EYA1: variants seen among roughly 807,000 people sequenced by gnomAD.
The protein encoded by EYA1 is EYA transcriptional coactivator and phosphatase 1, also known as protein phosphatase EYA1.
EYA1 carries 16 observed loss-of-function variants against 82.0 expected under a neutral mutation model. The observed-to-expected ratio is 0.20, with a 90% CI of 0.13 to 0.30. The LOEUF (loss-of-function observed/expected upper bound fraction) is 0.30. Among genes scored for constraint, EYA1 ranks in the 10% least tolerant of loss-of-function variants. The probability of loss-of-function intolerance (pLI) is 1.00; values close to 1 mark genes in which losing one functional copy is unlikely to be tolerated. For missense variants in EYA1, 633 were observed against 730.7 expected (o/e 0.87, Z 1.54); for synonymous variants, 261 against 264.4 (o/e 0.99, Z 0.12).
chr8:71,252,779 C>A (rs1203590549), intron 11 of EYA1, among the ~76,000 whole-genome samples: 21 of 152,164 alleles, frequency 1.4e-4, no homozygotes, highest in Non-Finnish European at 1.5e-5. Flanking sequence ...TAGAACTATT[C>A]TTCAAAAAAA....
At chr8:71,330,263 A>G (rs1823675591) in intron 4 of EYA1, among the ~76,000 whole-genome samples, 1 of 152,150 alleles carries the variant, frequency 6.6e-6, no homozygotes, top group Non-Finnish European at 1.5e-5. Flanking sequence ...ATTCATCTGC[A>G]CCACTTCATA....
At chr8:71,408,343 T>C (rs945474041) in intron 2 of EYA1, among the ~76,000 whole-genome samples, 8 of 151,020 alleles carry the variant, frequency 5.3e-5, no homozygotes, top group African/African-American at 7.3e-5. Context: ...GCTAACATCA[T>C]AATGACAGGA....
intron 3 of EYA1, among the ~76,000 whole-genome samples, chr8:71,346,033 C>CA (rs1452403471): frequency 6.6e-6 from 1 of 151,912 alleles, no homozygotes; most frequent in Non-Finnish European, 1.5e-5. Flanking sequence ...CACACACACA[C>CA]ACTCACTCTT....
intron 12 of EYA1, among the ~76,000 whole-genome samples, chr8:71,239,883 G>T (rs1812270943): frequency 6.6e-6 from 1 of 152,130 alleles, no homozygotes; most frequent in South Asian, 2.1e-4. Flanking sequence ...ATCAACTTCT[G>T]AATCGGATTA....
intron 3 of EYA1, among the ~76,000 whole-genome samples, chr8:71,338,664 G>A (rs897780225): frequency 5.9e-5 from 9 of 152,146 alleles, no homozygotes; most frequent in East Asian, 3.9e-4. Context: ...CAAATATTTC[G>A]TCCATTTGAT....
intron 2 of EYA1, among the ~76,000 whole-genome samples, chr8:71,509,170 A>G (rs1307080012): frequency 6.6e-6 from 1 of 152,152 alleles, no homozygotes; most frequent in African/African-American, 2.4e-5. Context: ...TTGAGGCTGC[A>G]GTGAGCCAAG....
chr8:71,257,278 G>C (rs1295083581), intron 11 of EYA1, among the ~76,000 whole-genome samples: 1 of 152,078 alleles, frequency 6.6e-6, no homozygotes, highest in African/African-American at 2.4e-5. Flanking sequence ...GCTAGGACTT[G>C]ATATTGTTAA....
rs140451680 is a variant in EYA1 at position 71,403,420 on chromosome 8, G to A, written c.34-46909C>T. 36 of 152,258 alleles carry A rather than the reference G, an allele frequency of 2.4e-4. No homozygotes were observed. The East Asian group carries it at 5.6e-3, about 24-fold the overall frequency. 9.4% of individuals were successfully genotyped at this position (152,258 alleles called of 1,614,324 possible). ...GAATTCACATAGGATGCTGGTGGAG[G>A]TGAAAAATGCCACAACATATTGGAA... On this transcript the variant is annotated intron_variant, in intron 2 of 18. Coordinates refer to the EYA1 transcript ENST00000643681.
At chr8:71,386,125 T>C (rs554561729) in intron 2 of EYA1, among the ~76,000 whole-genome samples, 16 of 152,310 alleles carry the variant, frequency 1.1e-4, no homozygotes, top group Middle Eastern at 3.4e-3. Flanking sequence ...TAGGTTAAAT[T>C]ATTCAGTCAT....
intron 1 of EYA1, among the ~76,000 whole-genome samples, chr8:71,543,602 T>C (rs1178002948): frequency 6.6e-6 from 1 of 152,180 alleles, no homozygotes; most frequent in African/African-American, 2.4e-5. Flanking sequence ...ATGTTAGTGC[T>C]GATCTCTTTT....
At chr8:71,412,736 C>T (rs1458352094) in intron 2 of EYA1, among the ~76,000 whole-genome samples, 2 of 152,180 alleles carry the variant, frequency 1.3e-5, no homozygotes, top group African/African-American at 2.4e-5. Flanking sequence ...ACTTAAACTG[C>T]TCTGGGCATA....
In EYA1 at chr8:71,423,883, T is replaced by A. The variant is rs192736300; in HGVS notation, c.34-67372A>T. 5.6e-3 allele frequency among the ~76,000 whole-genome samples: 851 copies of A among 152,340 alleles called. 9 individuals carry two copies. Among genetic ancestry groups the A allele is most frequent in the African/African-American group, 0.019 (810 of 41,580 alleles). ...AAGACCTGAAGACAACTGAGTAGAA[T>A]ACAGGTCTTGGATAGATGGTTAGGA... On this transcript the variant is annotated intron_variant, in intron 2 of 18. Transcript: ENST00000643681.
At chr8:71,352,381 G>GT (rs1462409043) in intron 3 of EYA1, among the ~76,000 whole-genome samples, 1 of 152,200 alleles carries the variant, frequency 6.6e-6, no homozygotes, top group Non-Finnish European at 1.5e-5. Flanking sequence ...AAACGGACAT[G>GT]TAACACCGAT....
chr8:71,363,145 GA>G (rs149731545), upstream of EYA1, among the ~76,000 whole-genome samples: 6,217 of 149,218 alleles, frequency 0.042, 399 homozygotes, highest in African/African-American at 0.14. Context: ...TTTATTTAAG[GA>G]AAAAAAAAGC....
chr8:71,336,349 T>G (rs1824483887), intron 3 of EYA1, among the ~76,000 whole-genome samples: 1 of 152,168 alleles, frequency 6.6e-6, no homozygotes, highest in Admixed American at 6.5e-5. Context: ...TTGCTGGAAA[T>G]TCTCACATAG....
At position 71,463,580 on chromosome 8, in the gene EYA1, TC is replaced by T. The variant is rs1351073591; in HGVS notation, c.33+72163del. Among the ~76,000 whole-genome samples the T allele has an allele frequency of 2.3e-3, 32 of 13,866 alleles. No individual in the cohort carries two copies. In the African/African-American group the frequency reaches 0.04, roughly 17 times the overall value. 9.1% of individuals were successfully genotyped at this position (13,866 alleles called of 152,430 possible). A position where few individuals can be genotyped will look rare whatever the true frequency, so the allele number is the denominator to read the frequency against. On this transcript the variant is annotated intron_variant, in intron 2 of 18. Transcript: ENST00000643681. ...TTTCTTAAGAAATACATGCTTTCTC[TC>T]TCTCTCTCTCTCTCTCTCTCTCTCT...
chr8:71,289,187 ATGACAGG>A (rs1029311514), intron 9 of EYA1, among the ~76,000 whole-genome samples: 4 of 152,220 alleles, frequency 2.6e-5, no homozygotes, highest in Non-Finnish European at 4.4e-5. Flanking sequence ...AAGCAGGTCC[ATGACAGG>A]TGACTATTTA....
chr8:71,511,597 G>A (rs760100577), intron 2 of EYA1, among the ~76,000 whole-genome samples: 20 of 152,184 alleles, frequency 1.3e-4, no homozygotes, highest in Non-Finnish European at 2.2e-4. Context: ...TGAGCACAGT[G>A]ATGGTGCCAC....
At chr8:71,524,504 A>C (rs1813668675) in intron 2 of EYA1, among the ~76,000 whole-genome samples, 1 of 152,234 alleles carries the variant, frequency 6.6e-6, no homozygotes, top group Admixed American at 6.5e-5. Flanking sequence ...CAAAGCATAA[A>C]ATTTTATTCT....
Sources: gnomAD v4.1 joint callset for allele counts (sites outside exome capture counted in the v4.1 genomes callset) on GRCh38, gnomAD v4.1.1 for gene constraint, MANE v1.5 for transcripts, NCBI Gene and HGNC (gene_info 2026-07-23, HGNC 2026-07-21) for gene names.